The following TBC1D32 variants were observed in gnomAD, a reference collection of about 807,000 sequenced individuals.
TBC1D32 encodes protein broad-minded.
Under a neutral mutation model 170.3 loss-of-function variants are expected in TBC1D32, and 151 were observed. The observed-to-expected ratio is 0.89, with a 90% CI of 0.78 to 1.01. The LOEUF is 1.01. Among genes scored for constraint, TBC1D32 ranks in the 50% least tolerant of loss-of-function variants. The pLI is 0.00. For missense variants in TBC1D32, 1,464 were observed against 1,457.1 expected (o/e 1.00, Z -0.08); for synonymous variants, 498 against 488.0 (o/e 1.02, Z -0.27).
At chr6:121,332,048 T>C (rs750253113) in intron 1 of TBC1D32, among the ~76,000 whole-genome samples, 18 of 152,178 alleles carry the variant, frequency 1.2e-4, no homozygotes, top group African/African-American at 1.7e-4. Context: ...ACTGTGCATG[T>C]CATGCAACAA....
chr6:121,131,564 C>T (rs1781441810), intron 25 of TBC1D32, 63 bp downstream of exon 25: 5 of 1,512,082 alleles, frequency 3.3e-6, no homozygotes, highest in Non-Finnish European at 4.5e-6. Context: ...CTTTAAGAAC[C>T]ACAGATTCTA....
At chr6:121,319,469 A>C (rs572983777) in intron 2 of TBC1D32, among the ~76,000 whole-genome samples, 2 of 152,292 alleles carry the variant, frequency 1.3e-5, no homozygotes, top group South Asian at 4.1e-4. Context: ...TTCCACAGTG[A>C]TTGAATTCTA....
At chr6:121,128,869 C>T (rs1781133057) in intron 25 of TBC1D32, among the ~76,000 whole-genome samples, 1 of 152,110 alleles carries the variant, frequency 6.6e-6, no homozygotes, top group Non-Finnish European at 1.5e-5. Context: ...CATATCCAAA[C>T]AGATAGTACT....
intron 1 of TBC1D32, among the ~76,000 whole-genome samples, chr6:121,330,569 T>A (rs1226752911): frequency 6.6e-6 from 1 of 152,290 alleles, no homozygotes; most frequent in South Asian, 2.1e-4. Context: ...CAAAACACTC[T>A]ATTTCTCACT....
At chr6:121,085,228 T>C (rs935025038) in intron 31 of TBC1D32, among the ~76,000 whole-genome samples, 1,662 of 143,104 alleles carry the variant, frequency 0.012, 10 homozygotes, top group South Asian at 0.042. Context: ...TACACATATA[T>C]ATATACACAT....
intron 30 of TBC1D32, among the ~76,000 whole-genome samples, chr6:121,097,187 A>C (rs1158274101): frequency 6.6e-6 from 1 of 152,186 alleles, no homozygotes; most frequent in East Asian, 1.9e-4. Context: ...AAAAGCCGAA[A>C]TTGACAAATG....
intron 12 of TBC1D32, among the ~76,000 whole-genome samples, chr6:121,286,614 A>G (rs1378212126): frequency 6.6e-6 from 1 of 152,188 alleles, no homozygotes; most frequent in East Asian, 1.9e-4. Flanking sequence ...CCAACCTAGC[A>G]AGGCAGGCCA....
chr6:121,287,530 T>C (rs1804071169), intron 12 of TBC1D32, among the ~76,000 whole-genome samples: 1 of 152,002 alleles, frequency 6.6e-6, no homozygotes, highest in Admixed American at 6.6e-5. Flanking sequence ...ACAAAGAGAC[T>C]TACACTCCCA....
At chr6:121,089,974 C>T (rs1419023360) in intron 31 of TBC1D32, among the ~76,000 whole-genome samples, 1 of 151,596 alleles carries the variant, frequency 6.6e-6, no homozygotes, top group Non-Finnish European at 1.5e-5. Context: ...CACTCTGTCC[C>T]CCAGGCTGGA....
intron 22 of TBC1D32, among the ~76,000 whole-genome samples, chr6:121,179,611 C>A (rs1390379998): frequency 1.3e-5 from 2 of 151,996 alleles, no homozygotes; most frequent in African/African-American, 4.8e-5. Flanking sequence ...AAAGCACCTA[C>A]AGGATGAGAA....
At position 121,319,000 on chromosome 6, in the gene TBC1D32, A is replaced by G. The variant is rs182482704; in HGVS notation, c.318-1328T>C. Among the ~76,000 whole-genome samples the G allele has an allele frequency of 2.1e-3, 316 of 150,304 alleles. 1 individual carries two copies. The highest frequency in any genetic ancestry group is 7.4e-3 in the African/African-American group (305 of 41,262). On this transcript the variant is annotated intron_variant, in intron 2 of 31. Coordinates refer to ENST00000398212, the MANE Select transcript of TBC1D32 (RefSeq NM_152730.6). ...TCATAGACTGAGATTTTATATAAAAAGTATAAAATATATTTTAAAATTTTG... is the reference window on the plus strand; with the variant it reads ...TCATAGACTGAGATTTTATATAAAAGGTATAAAATATATTTTAAAATTTTG...
intron 22 of TBC1D32, among the ~76,000 whole-genome samples, chr6:121,196,115 G>A (rs1489811162): frequency 6.6e-6 from 1 of 152,228 alleles, no homozygotes; most frequent in African/African-American, 2.4e-5. Context: ...GACCTCAGCA[G>A]AGGAGGATTT....
At chr6:121,327,448 C>T (rs1173795608) in intron 1 of TBC1D32, among the ~76,000 whole-genome samples, 1 of 152,078 alleles carries the variant, frequency 6.6e-6, no homozygotes, top group African/African-American at 2.4e-5. Context: ...CAAATATTCC[C>T]GTTGCATCAT....
At chr6:121,103,441 G>C (rs2128188806) in intron 30 of TBC1D32, among the ~76,000 whole-genome samples, 1 of 151,948 alleles carries the variant, frequency 6.6e-6, no homozygotes. Flanking sequence ...GTAGGGACAT[G>C]GATGAAGCTG....
intron 5 of TBC1D32, 59 bp downstream of exon 5, chr6:121,307,917 T>C (rs1213083761): frequency 1.3e-6 from 2 of 1,535,136 alleles, no homozygotes; most frequent in Non-Finnish European, 1.8e-6. Flanking sequence ...ATATTCTATT[T>C]ATTTCCAGAA....
At chr6:121,291,076 C>A (rs1300542912) in intron 12 of TBC1D32, among the ~76,000 whole-genome samples, 1 of 151,848 alleles carries the variant, frequency 6.6e-6, no homozygotes, top group Non-Finnish European at 1.5e-5. Context: ...GTGCAGTTTA[C>A]CAACATGGCA....
intron 1 of TBC1D32, among the ~76,000 whole-genome samples, chr6:121,328,884 A>G (rs1246286181): frequency 1.3e-5 from 2 of 152,248 alleles, no homozygotes; most frequent in Admixed American, 6.5e-5. Context: ...AAGTAATTTA[A>G]TGAGAAAAAA....
In TBC1D32 at chr6:121,199,390, C is replaced by CA. The variant is rs201808915; in HGVS notation, c.2570+5684dup. Among the ~76,000 whole-genome samples the CA allele has an allele frequency of 4.0e-5, 6 of 148,864 alleles. 1 individual carries two copies. Among genetic ancestry groups the CA allele is most frequent in the African/African-American group, 1.3e-4 (5 of 39,882 alleles). On this transcript the variant is annotated intron_variant, in intron 22 of 31. Transcript: ENST00000398212. Reference sequence around the variant, plus strand: ...TCAAAACAATAACACTCCTATTTTTCAAAAAAAAATCTGTAGCTAAAGATC... The same window carrying CA: ...TCAAAACAATAACACTCCTATTTTTCAAAAAAAAAATCTGTAGCTAAAGATC...
rs1799753863 is a variant in TBC1D32 at position 121,261,424 on chromosome 6, C to A, written c.1734-5139G>T. ...AGAGATCCCAGAGGAAAGAGCCAGG[C>A]ACCCATCTTTGCTGTTCTCCAGCCT... On this transcript the variant is annotated intron_variant, in intron 15 of 31. Coordinates refer to ENST00000398212, the MANE Select transcript of TBC1D32 (RefSeq NM_152730.6). Among the ~76,000 whole-genome samples the A allele has an allele frequency of 2.6e-5, 4 of 152,202 alleles. No homozygotes were observed. In the South Asian group the frequency reaches 8.3e-4, roughly 31 times the overall value.
Sources: allele counts gnomAD v4.1 joint callset (sites outside exome capture counted in the v4.1 genomes callset), GRCh38; gene constraint gnomAD v4.1.1; transcripts MANE v1.5; gene names NCBI Gene and HGNC (gene_info 2026-07-23, HGNC 2026-07-21).